Variants in CT45A1 observed in about 807,000 individuals in gnomAD.
CT45A1 encodes the protein cancer/testis antigen 45-1.
At chrX:135,715,540 T>C (rs2087979422) in intron 1 of CT45A1, among the ~76,000 whole-genome samples, 1 of 86,948 alleles carries the variant, frequency 1.2e-5, no homozygotes, top group African/African-American at 4.4e-5. Flanking sequence ...ATAATACTTA[T>C]ATATAATACT....
intron 1 of CT45A1, among the ~76,000 whole-genome samples, chrX:135,715,845 C>T (rs1367238053): frequency 9.4e-6 from 1 of 106,207 alleles, no homozygotes; most frequent in Admixed American, 1.1e-4. Flanking sequence ...TAATGCTATC[C>T]CTCCCCAGCC....
upstream of CT45A1, among the ~76,000 whole-genome samples, chrX:135,712,937 T>TTTTCTTTCTTCCTTTCTTTC (rs2087944418): frequency 1.4e-5 from 1 of 69,548 alleles, no homozygotes; most frequent in Admixed American, 1.7e-4. Flanking sequence ...TCTTTTCTTT[T>TTTTCTTTCTTCCTTTCTTTC]TTTCTTTCTT....
At chrX:135,710,853 G>GT (rs1369548394), upstream of CT45A1, among the ~76,000 whole-genome samples, 4 of 110,645 alleles carry the variant, frequency 3.6e-5, no homozygotes, top group Non-Finnish European at 3.8e-5. Flanking sequence ...CCACATATTT[G>GT]TTTTTTTTTC....
At chrX:135,718,281 C>G (rs782474835) in intron 1 of CT45A1, among the ~76,000 whole-genome samples, 5 of 111,113 alleles carry the variant, frequency 4.5e-5, no homozygotes, top group African/African-American at 1.6e-4. Context: ...TTTTTAAGTA[C>G]TATTGCATTT....
At chrX:135,711,061 G>C (rs1289965528), upstream of CT45A1, among the ~76,000 whole-genome samples, 1 of 111,890 alleles carries the variant, frequency 8.9e-6, no homozygotes, top group African/African-American at 3.3e-5. Context: ...TCCCAGTCAG[G>C]ACTGTCACAT....
intron 2 of CT45A1, among the ~76,000 whole-genome samples, chrX:135,719,351 T>G (rs1337388456): frequency 1.1e-5 from 1 of 90,381 alleles, no homozygotes; most frequent in African/African-American, 4.0e-5. Flanking sequence ...AGATGGACTT[T>G]CGCTCTTCTC....
chrX:135,712,957 C>CT (rs782454602), upstream of CT45A1, among the ~76,000 whole-genome samples: 4 of 75,522 alleles, frequency 5.3e-5, no homozygotes, highest in African/African-American at 2.0e-4. Flanking sequence ...TTCTTTCTTT[C>CT]TTTCTTTCTT....
At chrX:135,715,401 AATACTTATATATAATACT>A (rs2087975822) in intron 1 of CT45A1, among the ~76,000 whole-genome samples, 2 of 79,371 alleles carry the variant, frequency 2.5e-5, no homozygotes, top group Non-Finnish European at 4.5e-5. Context: ...TTATATATAT[AATACTTATATATAATACT>A]TATATATATA....
At chrX:135,715,433 C>CTTATATATAATACTTATATATATAATAA (rs2087976906) in intron 1 of CT45A1, among the ~76,000 whole-genome samples, 1 of 75,756 alleles carries the variant, frequency 1.3e-5, no homozygotes, top group Non-Finnish European at 2.3e-5. Flanking sequence ...ATATATAATA[C>CTTATATATAATACTTATATATATAATAA]TTATATATAA....
At chrX:135,718,121 A>C (rs782167426) in intron 1 of CT45A1, among the ~76,000 whole-genome samples, 2 of 112,277 alleles carry the variant, frequency 1.8e-5, no homozygotes, top group South Asian at 7.3e-4. Context: ...AATGGACTTT[A>C]AACATTGACC....
At chrX:135,712,928 C>T (rs868952271), upstream of CT45A1, among the ~76,000 whole-genome samples, 2 of 67,045 alleles carry the variant, frequency 3.0e-5, no homozygotes, top group South Asian at 8.9e-4. Context: ...CTTTTCTTTT[C>T]TTTTCTTTTT....
rs182211762 is a variant in CT45A1, at chrX:135,718,603, T to A, written c.-6-332T>A. Among the ~76,000 whole-genome samples the A allele has an allele frequency of 4.5e-5, 5 of 110,723 alleles. No individual in the cohort carries two copies. The Admixed American group carries it at 4.9e-4, about 11-fold the overall frequency. On this transcript the variant is annotated intron_variant, in intron 1 of 4. Coordinates refer to ENST00000594565, the MANE Select transcript of CT45A1 (RefSeq NM_001017417.3). Reference sequence around the variant, plus strand: ...ACAGATTGGTTTATACAGCTATTTTTCCTAATAAGGGTTAATACAGATTGG... The same window carrying A: ...ACAGATTGGTTTATACAGCTATTTTACCTAATAAGGGTTAATACAGATTGG...
upstream of CT45A1, among the ~76,000 whole-genome samples, chrX:135,711,446 T>G (rs2087932781): frequency 6.3e-5 from 7 of 110,830 alleles, no homozygotes; most frequent in Admixed American, 6.8e-4. Context: ...TTTAATTTAT[T>G]TATTTTAAGA....
upstream of CT45A1, among the ~76,000 whole-genome samples, chrX:135,712,205 A>G (rs1364514085): frequency 2.9e-3 from 6 of 2,100 alleles, no homozygotes; most frequent in Non-Finnish European, 6.6e-3. Flanking sequence ...TTTTTTTTTT[A>G]GACAGTCTCA....
chrX:135,717,063 T>TA (rs782357501), intron 1 of CT45A1, among the ~76,000 whole-genome samples: 5 of 111,204 alleles, frequency 4.5e-5, no homozygotes, highest in South Asian at 3.7e-4. Context: ...TCTTTTTCTT[T>TA]AAAAAAAACT....
chrX:135,710,625 T>C (rs1387245980), upstream of CT45A1, among the ~76,000 whole-genome samples: 9 of 112,356 alleles, frequency 8.0e-5, no homozygotes, highest in Admixed American at 2.8e-4. Flanking sequence ...TGGAAGTCCA[T>C]GCTACTGCGC....
At chrX:135,714,008 C>T (rs1396193074) in intron 1 of CT45A1, among the ~76,000 whole-genome samples, 1 of 107,845 alleles carries the variant, frequency 9.3e-6, no homozygotes, top group Non-Finnish European at 1.9e-5. Context: ...GGGGGCCATG[C>T]CTTGGTTGCT....
At chrX:135,712,937 T>TTTTCTTTCTTTCTTTCTTTCTTTCTTTC (rs56114666), upstream of CT45A1, among the ~76,000 whole-genome samples, 41 of 69,542 alleles carry the variant, frequency 5.9e-4, 3 homozygotes, top group Admixed American at 2.0e-3. Flanking sequence ...TCTTTTCTTT[T>TTTTCTTTCTTTCTTTCTTTCTTTCTTTC]TTTCTTTCTT....
chrX:135,718,363 G>C (rs1271755198), intron 1 of CT45A1, among the ~76,000 whole-genome samples: 5 of 110,813 alleles, frequency 4.5e-5, no homozygotes, highest in South Asian at 3.8e-4. Flanking sequence ...TTTTTGGCTT[G>C]ATCTTGTAGT....
Sources: gnomAD v4.1 joint callset for allele counts (sites outside exome capture counted in the v4.1 genomes callset) on GRCh38, gnomAD v4.1.1 for gene constraint, MANE v1.5 for transcripts, NCBI Gene and HGNC (gene_info 2026-07-23, HGNC 2026-07-21) for gene names.